CFAP251: variants seen among roughly 807,000 people sequenced by gnomAD.
CFAP251 encodes the protein cilia- and flagella-associated protein 251.
CFAP251 carries 93 observed loss-of-function variants against 126.7 expected under a neutral mutation model. The observed-to-expected ratio is 0.73, with a 90% CI of 0.62 to 0.87. The LOEUF is 0.87. Ranked by LOEUF, CFAP251 falls within the 40% of genes least tolerant of loss-of-function variation. CFAP251 has a pLI of 0.00. For synonymous variants in CFAP251, 503 were observed against 506.9 expected, an observed-to-expected ratio of 0.99 and a Z score of 0.10; for missense variants, 1,287 against 1,389.2, an observed-to-expected ratio of 0.93 and a Z score of 1.17.
At chr12:121,979,689 C>T (rs1882570719) in intron 19 of CFAP251, among the ~76,000 whole-genome samples, 2 of 150,248 alleles carry the variant, frequency 1.3e-5, no homozygotes, top group South Asian at 4.2e-4. Context: ...CTCAGCCTCC[C>T]GAGTAACTGG....
rs772414103 is a variant in CFAP251, at chr12:121,960,773, T to C, written c.2307+15T>C. The C allele has an allele frequency of 4.8e-5, 77 of 1,611,730 alleles. No individual in the cohort carries two copies. The Middle Eastern group carries it at 6.0e-4, about 13-fold the overall frequency. On this transcript the variant is annotated intron_variant, in intron 14 of 21. Transcript: ENST00000288912. ...ACAGGCTCTTGGTGAGCTGTTTAGTTTTCGTTGACCTGGTCGCCAAGACTG... is the reference window on the plus strand; with the variant it reads ...ACAGGCTCTTGGTGAGCTGTTTAGTCTTCGTTGACCTGGTCGCCAAGACTG...
chr12:121,987,187 C>T (rs924488259), intron 19 of CFAP251, among the ~76,000 whole-genome samples: 6 of 152,158 alleles, frequency 3.9e-5, no homozygotes, highest in African/African-American at 1.4e-4. Context: ...TATGTTGGGT[C>T]TTGCCCTGAA....
intron 19 of CFAP251, among the ~76,000 whole-genome samples, chr12:121,988,872 A>C (rs920960884): frequency 2.9e-4 from 44 of 151,182 alleles, no homozygotes; most frequent in Non-Finnish European, 4.4e-4. Flanking sequence ...AGTACCTGGG[A>C]CTACAGGTGC....
At chr12:121,966,553 G>A (rs1882147592) in intron 15 of CFAP251, among the ~76,000 whole-genome samples, 1 of 143,938 alleles carries the variant, frequency 6.9e-6, no homozygotes, top group African/African-American at 2.6e-5. Flanking sequence ...GATTACAGGC[G>A]TGAGCCACCA....
In CFAP251 at chr12:121,921,847, G is replaced by A. The variant is rs543973318; in HGVS notation, c.378+164G>A. 6.6e-5 allele frequency among the ~76,000 whole-genome samples: 10 copies of A among 150,872 alleles called. No individual in the cohort carries two copies. The East Asian group carries it at 1.8e-3, about 26-fold the overall frequency. On this transcript the variant is annotated intron_variant, in intron 2 of 21. Coordinates refer to ENST00000288912, the MANE Select transcript of CFAP251 (RefSeq NM_144668.6). Reference sequence around the variant, plus strand: ...CTGTTGCCCAGGCTGGAGTGCAGGGGCACAATCTCAGCCTGCTGCAACCTC... The same window carrying A: ...CTGTTGCCCAGGCTGGAGTGCAGGGACACAATCTCAGCCTGCTGCAACCTC...
chr12:121,972,726 G>C (rs1882366932), intron 17 of CFAP251, among the ~76,000 whole-genome samples: 1 of 152,152 alleles, frequency 6.6e-6, no homozygotes, highest in African/African-American at 2.4e-5. Flanking sequence ...CTGACCTCGT[G>C]ATCCACCTGC....
At chr12:121,981,560 G>C (rs1882623434) in intron 19 of CFAP251, among the ~76,000 whole-genome samples, 1 of 152,186 alleles carries the variant, frequency 6.6e-6, no homozygotes, top group African/African-American at 2.4e-5. Context: ...CAAGTTCCAG[G>C]CACCCTTGCC....
chr12:121,963,187 G>T (rs1882005420), intron 15 of CFAP251, among the ~76,000 whole-genome samples: 1 of 152,140 alleles, frequency 6.6e-6, no homozygotes, highest in Non-Finnish European at 1.5e-5. Context: ...TGGCCCTGAG[G>T]GCAGAAAAGA....
In CFAP251 at chr12:121,952,418, T is replaced by TA. The variant is rs751580923; in HGVS notation, c.1320+889dup. 3.9e-3 allele frequency among the ~76,000 whole-genome samples: 488 copies of TA among 123,904 alleles called. 12 individuals are homozygous for TA. The highest frequency in any genetic ancestry group is 3.2e-3 in the Non-Finnish European group (183 of 56,550). 81.3% of individuals were successfully genotyped at this position (123,904 alleles called of 152,430 possible). A position where few individuals can be genotyped will look rare whatever the true frequency, so the allele number is the denominator to read the frequency against. ...CTGGGCAACAGAACAAGACCCTGTA[T>TA]ATAAAAAAAAAAAAAATGAATGAAA... is the stretch of plus-strand genomic sequence containing the variant. On this transcript the variant is annotated intron_variant, in intron 9 of 21. Coordinates refer to ENST00000288912, the MANE Select transcript of CFAP251 (RefSeq NM_144668.6).
chr12:121,920,398 AT>A (rs35621554), intron 1 of CFAP251, among the ~76,000 whole-genome samples: 34,198 of 96,084 alleles, frequency 0.36, 4,505 homozygotes, highest in East Asian at 0.49. Flanking sequence ...GGCTTTTTGT[AT>A]TTTTTTTTTT....
intron 10 of CFAP251, among the ~76,000 whole-genome samples, chr12:121,955,506 C>T (rs978271139): frequency 8.6e-5 from 13 of 152,008 alleles, no homozygotes; most frequent in African/African-American, 3.1e-4. Context: ...GAGGATTTCA[C>T]GAGATATGGA....
At chr12:121,930,561 G>A (rs1880642675) in intron 3 of CFAP251, among the ~76,000 whole-genome samples, 1 of 152,084 alleles carries the variant, frequency 6.6e-6, no homozygotes, top group South Asian at 2.1e-4. Flanking sequence ...TAGTATTGAA[G>A]TAAAAGCAGT....
chr12:121,954,929 G>A (rs1285143246), intron 10 of CFAP251, among the ~76,000 whole-genome samples: 1 of 152,126 alleles, frequency 6.6e-6, no homozygotes, highest in Non-Finnish European at 1.5e-5. Flanking sequence ...CTAATTGGAT[G>A]GATTTTGCAC....
At chr12:121,922,405 A>G (rs1460169324) in intron 2 of CFAP251, among the ~76,000 whole-genome samples, 2 of 152,076 alleles carry the variant, frequency 1.3e-5, no homozygotes, top group East Asian at 3.9e-4. Flanking sequence ...GCCACAATCC[A>G]TTCTTTTAAG....
chr12:121,949,523 T>G (rs1353376155), intron 8 of CFAP251: 2 of 144,416 alleles, frequency 1.4e-5, no homozygotes, highest in African/African-American at 5.4e-5. Context: ...CTTTTTTCCC[T>G]TTTAGAAAGG....
chr12:121,981,198 T>C (rs1882611773), intron 19 of CFAP251, among the ~76,000 whole-genome samples: 2 of 152,180 alleles, frequency 1.3e-5, no homozygotes, highest in Non-Finnish European at 2.9e-5. Flanking sequence ...CCAGTCACGG[T>C]GGCTCACACC....
chr12:121,942,597 G>T lies in CFAP251; in HGVS notation c.1062G>T (p.Met354Ile). 1 of 1,613,682 alleles carries T rather than the reference G, an allele frequency of 6.2e-7. No individual in the cohort carries two copies. The highest frequency in any genetic ancestry group is 1.1e-5 in the South Asian group (1 of 91,062). The stretch of plus-strand genomic sequence containing the variant: ...GGAATGGCATCATGGCCATGGCCAT[G>T]ACCCACGACGCCAAGTATCTGGCAA... ...PEGNGIMAMA[M>I]THDAKYLATI... is the part of the protein sequence containing the mutation. The change falls in exon 6 of 22, where the codon ATG (methionine) becomes ATT (isoleucine). Residue 354 changes from methionine (M) to isoleucine (I), a missense_variant. Transcript: ENST00000288912.
In CFAP251 at chr12:121,967,049, G is replaced by A. The variant is rs1301865208; in HGVS notation, c.2587G>A (p.Val863Met). ...GGCGGAGCTACAGAAACGCTACTTG[G>A]TGTTTATTAACAGAGACAAGGTAAC... ...SMAELQKRYL[V>M]FINRDKVGLQ... Residue 863 changes from valine to methionine, a missense_variant, in exon 16 of 22, where the codon GTG (valine) becomes ATG (methionine). Transcript: ENST00000288912. The A allele has an allele frequency of 6.2e-7, 1 of 1,614,194 alleles. No homozygotes were observed. Among genetic ancestry groups the A allele is most frequent in the Non-Finnish European group, 8.5e-7 (1 of 1,180,024 alleles).
intron 3 of CFAP251, among the ~76,000 whole-genome samples, chr12:121,927,270 G>A (rs1397944827): frequency 6.7e-6 from 1 of 149,396 alleles, no homozygotes. Flanking sequence ...AAGGTTTCTT[G>A]TATCAGTGCA....
Sources: gnomAD v4.1 joint callset for allele counts (sites outside exome capture counted in the v4.1 genomes callset) on GRCh38, gnomAD v4.1.1 for gene constraint, MANE v1.5 for transcripts, NCBI Gene and HGNC (gene_info 2026-07-23, HGNC 2026-07-21) for gene names.